ST6GALNAC3: variants seen among roughly 807,000 people sequenced by gnomAD.
The protein encoded by ST6GALNAC3 is alpha-N-acetylgalactosaminide alpha-2,6-sialyltransferase 3.
Under a neutral mutation model 32.7 loss-of-function variants are expected in ST6GALNAC3, and 25 were observed. That is an observed-to-expected ratio of 0.76 (90% CI 0.56 to 1.07). The LOEUF (loss-of-function observed/expected upper bound fraction) is 1.07. ST6GALNAC3 is among the 50% of genes least tolerant of loss of function. The pLI, the probability that ST6GALNAC3 is intolerant of heterozygous loss-of-function variation, is 0.00. For missense variants in ST6GALNAC3, 355 were observed against 382.4 expected, an observed-to-expected ratio of 0.93 and a Z score of 0.60; for synonymous variants, 129 against 133.1, an observed-to-expected ratio of 0.97 and a Z score of 0.21.
intron 3 of ST6GALNAC3, among the ~76,000 whole-genome samples, chr1:76,487,095 G>A (rs926726792): frequency 6.6e-6 from 1 of 152,160 alleles, no homozygotes; most frequent in Non-Finnish European, 1.5e-5. Flanking sequence ...CAAGAGATCA[G>A]CTGTTAGTCT....
At chr1:76,212,221 A>C (rs1655208379) in intron 1 of ST6GALNAC3, among the ~76,000 whole-genome samples, 1 of 152,138 alleles carries the variant, frequency 6.6e-6, no homozygotes, top group African/African-American at 2.4e-5. Flanking sequence ...TGCCCCTTAG[A>C]CAGCTTCCTA....
intron 2 of ST6GALNAC3, among the ~76,000 whole-genome samples, chr1:76,372,615 A>G (rs1243773761): frequency 2.0e-5 from 3 of 152,160 alleles, no homozygotes; most frequent in African/African-American, 7.2e-5. Context: ...CATCTATTTT[A>G]ATTAAATTTA....
intron 3 of ST6GALNAC3, among the ~76,000 whole-genome samples, chr1:76,522,912 T>G (rs922121758): frequency 1.3e-5 from 2 of 152,274 alleles, no homozygotes; most frequent in Admixed American, 6.5e-5. Flanking sequence ...CTCTTTCAGC[T>G]TCTCGGAATC....
chr1:76,355,492 C>T (rs923361559), intron 2 of ST6GALNAC3, among the ~76,000 whole-genome samples: 2 of 152,082 alleles, frequency 1.3e-5, no homozygotes, highest in African/African-American at 2.4e-5. Flanking sequence ...TCTCTACCAA[C>T]GAAGAAAATG....
intron 1 of ST6GALNAC3, among the ~76,000 whole-genome samples, chr1:76,187,742 C>T (rs1653646925): frequency 6.6e-6 from 1 of 152,078 alleles, no homozygotes; most frequent in Non-Finnish European, 1.5e-5. Context: ...AACACACACA[C>T]ACACGCACAC....
At chr1:76,485,963 G>A (rs1254734229) in intron 3 of ST6GALNAC3, among the ~76,000 whole-genome samples, 6 of 152,242 alleles carry the variant, frequency 3.9e-5, no homozygotes, top group East Asian at 1.9e-4. Flanking sequence ...CTTTATTTCT[G>A]CCTTCATTTT....
chr1:76,590,102 T>C (rs991514508), intron 3 of ST6GALNAC3, among the ~76,000 whole-genome samples: 1 of 152,186 alleles, frequency 6.6e-6, no homozygotes, highest in Admixed American at 6.5e-5. Context: ...AGCCAAGTTG[T>C]ACCCTTGAGG....
At chr1:76,411,896 GAT>G in intron 2 of ST6GALNAC3, 110 bp from the exon 3 acceptor site, 1 of 1,184,300 alleles carries the variant, frequency 8.4e-7, no homozygotes, top group Non-Finnish European at 1.2e-6. Flanking sequence ...GTACTTCAGA[GAT>G]ATTTCCATAT....
intron 2 of ST6GALNAC3, among the ~76,000 whole-genome samples, chr1:76,375,005 T>C (rs571488948): frequency 5.3e-5 from 8 of 152,312 alleles, no homozygotes; most frequent in African/African-American, 1.9e-4. Flanking sequence ...TGCTGTTCTG[T>C]TTTAAATACC....
chr1:76,320,010 T>G (rs1646937087), intron 2 of ST6GALNAC3, among the ~76,000 whole-genome samples: 1 of 152,204 alleles, frequency 6.6e-6, no homozygotes, highest in African/African-American at 2.4e-5. Flanking sequence ...TCAGTCTGGT[T>G]GTGAAATAGC....
intron 3 of ST6GALNAC3, among the ~76,000 whole-genome samples, chr1:76,501,274 T>G (rs59148043): frequency 6.6e-6 from 1 of 152,138 alleles, no homozygotes; most frequent in Admixed American, 6.6e-5. Context: ...GCCCCTTTCC[T>G]GTCCATTCTC....
rs757790523 is a variant in ST6GALNAC3, at chr1:76,412,154, C to A, written c.360C>A (p.Gly120=). Residue 120 remains glycine (G), a synonymous_variant, in exon 3 of 5, where the codon GGC becomes GGA. Coordinates refer to ENST00000328299, the MANE Select transcript of ST6GALNAC3 (RefSeq NM_152996.4). ...APTKGYEEDV[G]RMTMIRVVSH... ...CCAAAGGTTATGAAGAAGATGTCGG[C>A]CGCATGACCATGATTCGAGTTGTGT... 5.0e-6 allele frequency: 8 copies of A among 1,613,704 alleles called. No individual in the cohort carries two copies. The highest frequency in any genetic ancestry group is 1.7e-4 in the Middle Eastern group (1 of 6,060).
intron 2 of ST6GALNAC3, among the ~76,000 whole-genome samples, chr1:76,400,508 T>C (rs1653323344): frequency 6.6e-6 from 1 of 152,172 alleles, no homozygotes; most frequent in Non-Finnish European, 1.5e-5. Flanking sequence ...GAAGTGGGCC[T>C]GCCTCTTCAG....
intron 3 of ST6GALNAC3, among the ~76,000 whole-genome samples, chr1:76,443,074 A>G (rs1656728906): frequency 1.3e-5 from 2 of 152,116 alleles, no homozygotes; most frequent in African/African-American, 4.8e-5. Flanking sequence ...CCATTTTTGA[A>G]GTCTGGGAGG....
intron 3 of ST6GALNAC3, chr1:76,576,750 G>C: frequency 1.0e-6 from 1 of 960,382 alleles, no homozygotes; most frequent in Non-Finnish European, 1.5e-6. Flanking sequence ...TTCACAGTAG[G>C]TATAAGGAAT....
intron 1 of ST6GALNAC3, among the ~76,000 whole-genome samples, chr1:76,272,011 C>T (rs983425624): frequency 6.6e-6 from 1 of 151,920 alleles, no homozygotes; most frequent in South Asian, 2.1e-4. Flanking sequence ...CTCTTAGAAA[C>T]AGGGTGCATT....
At position 76,628,814 on chromosome 1, in the gene ST6GALNAC3, T is replaced by G. The variant is rs200546353; in HGVS notation, c.*8T>G. On this transcript the variant is annotated 3_prime_UTR_variant, in exon 5 of 5. Transcript: ENST00000328299. ...AACTGGACATTGTCTTGATAATGGT[T>G]TTCCTGATCTTGCCGCATCACTTAA... 6.2e-7 allele frequency: 1 copy of G among 1,609,520 alleles called. No individual in the cohort carries two copies. The highest frequency in any genetic ancestry group is 1.1e-5 in the South Asian group (1 of 90,552).
intron 2 of ST6GALNAC3, among the ~76,000 whole-genome samples, chr1:76,399,024 T>G (rs1653202514): frequency 6.6e-6 from 1 of 152,216 alleles, no homozygotes. Flanking sequence ...GATTTCCTCT[T>G]TAATCAATAA....
intron 1 of ST6GALNAC3, among the ~76,000 whole-genome samples, chr1:76,294,615 T>G (rs1286542539): frequency 5.9e-5 from 9 of 152,062 alleles, no homozygotes; most frequent in African/African-American, 1.9e-4. Context: ...TCATCTACAA[T>G]GCTTTCACTA....
Sources: allele counts gnomAD v4.1 joint callset (sites outside exome capture counted in the v4.1 genomes callset), GRCh38; gene constraint gnomAD v4.1.1; transcripts MANE v1.5; gene names NCBI Gene and HGNC (gene_info 2026-07-23, HGNC 2026-07-21).